The following PTPRM variants were observed in gnomAD, a reference collection of about 807,000 sequenced individuals.
The protein encoded by PTPRM is protein tyrosine phosphatase receptor type M.
In PTPRM, 47 loss-of-function variants were observed where a neutral mutation model predicts 186.7. That is an observed-to-expected ratio of 0.25 (90% CI 0.20 to 0.32). PTPRM has a LOEUF of 0.32. Ranked by LOEUF, PTPRM falls within the 10% of genes least tolerant of loss-of-function variation. The pLI is 1.00. For missense variants in PTPRM, 1,494 were observed against 1,865.0 expected, an observed-to-expected ratio of 0.80 and a Z score of 3.66; for synonymous variants, 668 against 674.9, an observed-to-expected ratio of 0.99 and a Z score of 0.16.
At chr18:8,085,263 A>T (rs1318257858) in intron 9 of PTPRM, among the ~76,000 whole-genome samples, 2 of 152,024 alleles carry the variant, frequency 1.3e-5, no homozygotes, top group African/African-American at 4.8e-5. Context: ...ATAGGTAATG[A>T]TCCTAAGTCA....
chr18:7,622,705 A>G (rs977181753), intron 1 of PTPRM, among the ~76,000 whole-genome samples: 4 of 152,094 alleles, frequency 2.6e-5, no homozygotes, highest in African/African-American at 7.2e-5. Flanking sequence ...GGCATAGGAG[A>G]AAATGACGTC....
At chr18:7,733,672 T>G (rs2040708373) in intron 1 of PTPRM, among the ~76,000 whole-genome samples, 1 of 152,162 alleles carries the variant, frequency 6.6e-6, no homozygotes, top group Admixed American at 6.5e-5. Context: ...CAGAATGTAT[T>G]AAGCAAAAGG....
chr18:7,921,680 T>C (rs1277037896), intron 4 of PTPRM, among the ~76,000 whole-genome samples: 2 of 152,134 alleles, frequency 1.3e-5, no homozygotes, highest in East Asian at 3.9e-4. Context: ...GCACCCGGCC[T>C]CTAATGAATT....
chr18:8,382,763 T>G (rs951274473), intron 29 of PTPRM, among the ~76,000 whole-genome samples: 1 of 152,188 alleles, frequency 6.6e-6, no homozygotes, highest in African/African-American at 2.4e-5. Flanking sequence ...AAAACTATCC[T>G]GCAATCTTGG....
intron 24 of PTPRM, among the ~76,000 whole-genome samples, chr18:8,371,491 TG>T (rs1195348284): frequency 6.6e-6 from 1 of 152,204 alleles, no homozygotes; most frequent in Non-Finnish European, 1.5e-5. Context: ...TGTGGACTGA[TG>T]GATTTTCCAG....
chr18:8,305,441 T>G (rs1391673154), intron 20 of PTPRM, among the ~76,000 whole-genome samples: 1 of 152,242 alleles, frequency 6.6e-6, no homozygotes, highest in Non-Finnish European at 1.5e-5. Context: ...ATTACTTATA[T>G]TAATTCACTT....
intron 1 of PTPRM, among the ~76,000 whole-genome samples, chr18:7,644,651 TA>T (rs1169592573): frequency 6.6e-6 from 1 of 151,928 alleles, no homozygotes; most frequent in East Asian, 1.9e-4. Context: ...AGTGAGCTAT[TA>T]AAAAAATGCT....
chr18:8,378,530 G>A, intron 27 of PTPRM, 116 bp downstream of exon 27: 1 of 1,295,116 alleles, frequency 7.7e-7, no homozygotes, highest in South Asian at 1.5e-5. Context: ...CCATAGCACT[G>A]TTCGTATTCA....
chr18:7,709,710 A>C (rs534619115), intron 1 of PTPRM, among the ~76,000 whole-genome samples: 1 of 152,300 alleles, frequency 6.6e-6, no homozygotes, highest in East Asian at 1.9e-4. Flanking sequence ...TTAGAAAGGA[A>C]ACAGGAAATA....
At chr18:7,625,601 C>T (rs1161074861) in intron 1 of PTPRM, among the ~76,000 whole-genome samples, 1 of 152,092 alleles carries the variant, frequency 6.6e-6, no homozygotes, top group Admixed American at 6.5e-5. Flanking sequence ...GTGGCGTGAT[C>T]TCGGCTCACT....
intron 13 of PTPRM, among the ~76,000 whole-genome samples, chr18:8,129,112 G>A (rs1278326958): frequency 5.3e-5 from 8 of 152,078 alleles, no homozygotes; most frequent in African/African-American, 1.7e-4. Context: ...TAAAAGATAC[G>A]AAATACTATG....
At chr18:8,200,493 T>C (rs1231467170) in intron 14 of PTPRM, among the ~76,000 whole-genome samples, 2 of 152,260 alleles carry the variant, frequency 1.3e-5, no homozygotes, top group Admixed American at 1.3e-4. Context: ...GCCTTTCCAC[T>C]GCATTCAGTT....
intron 7 of PTPRM, among the ~76,000 whole-genome samples, chr18:8,031,570 T>G (rs1267749175): frequency 6.6e-6 from 1 of 152,166 alleles, no homozygotes; most frequent in Non-Finnish European, 1.5e-5. Flanking sequence ...CTTAAGTGAA[T>G]GAATTACAGA....
At chr18:7,955,624 C>T (rs1172551253) in intron 7 of PTPRM, among the ~76,000 whole-genome samples, 1 of 152,102 alleles carries the variant, frequency 6.6e-6, no homozygotes, top group Non-Finnish European at 1.5e-5. Context: ...TCAGCCTGCC[C>T]CCACCCTTTT....
At chr18:7,847,781 G>A (rs1030555106) in intron 2 of PTPRM, among the ~76,000 whole-genome samples, 2 of 152,168 alleles carry the variant, frequency 1.3e-5, no homozygotes, top group South Asian at 4.1e-4. Context: ...AAACCCAAAT[G>A]ATGTATTCAC....
chr18:8,398,991 T>G (rs1239494264), intron 32 of PTPRM, among the ~76,000 whole-genome samples: 1 of 152,160 alleles, frequency 6.6e-6, no homozygotes. Context: ...AGTCTGTAAA[T>G]ATACTGAAAA....
intron 14 of PTPRM, among the ~76,000 whole-genome samples, chr18:8,151,958 G>A (rs747434819): frequency 6.6e-6 from 1 of 152,228 alleles, no homozygotes; most frequent in Admixed American, 6.5e-5. Flanking sequence ...ACCCCACCCT[G>A]CTTCGGCTCG....
At chr18:7,840,341 A>T (rs2046262903) in intron 2 of PTPRM, among the ~76,000 whole-genome samples, 1 of 152,162 alleles carries the variant, frequency 6.6e-6, no homozygotes, top group South Asian at 2.1e-4. Context: ...TCAAGAAAAA[A>T]GGTATATGTG....
intron 14 of PTPRM, among the ~76,000 whole-genome samples, chr18:8,231,809 C>T (rs1176743172): frequency 2.0e-5 from 3 of 152,100 alleles, no homozygotes; most frequent in Admixed American, 2.0e-4. Context: ...TTTTGTTTCA[C>T]CACATAAGTG....
Sources: allele counts gnomAD v4.1 joint callset (sites outside exome capture counted in the v4.1 genomes callset), GRCh38; gene constraint gnomAD v4.1.1; transcripts MANE v1.5; gene names NCBI Gene and HGNC (gene_info 2026-07-23, HGNC 2026-07-21).